CNOT2: variants seen among roughly 807,000 people sequenced by gnomAD.
CNOT2 encodes the protein CCR4-NOT transcription complex subunit 2.
A neutral mutation model predicts 72.1 loss-of-function variants in CNOT2; 7 were observed. The observed-to-expected ratio is 0.10, with a 90% CI of 0.06 to 0.18. CNOT2 has a LOEUF of 0.18. Ranked by LOEUF, CNOT2 falls within the 10% of genes least tolerant of loss-of-function variation. The probability of loss-of-function intolerance (pLI) is 1.00; values close to 1 mark genes in which losing one functional copy is unlikely to be tolerated. For missense variants in CNOT2, 345 were observed against 660.3 expected (o/e 0.52, Z 5.23); for synonymous variants, 196 against 225.6 (o/e 0.87, Z 1.17).
At chr12:70,329,387 G>A in intron 4 of CNOT2, 36 bp from the exon 5 acceptor site, 1 of 1,549,706 alleles carries the variant, frequency 6.5e-7, no homozygotes, top group Non-Finnish European at 8.9e-7. Context: ...CATTCCTGAT[G>A]GCAATGAATT....
intron 2 of CNOT2, among the ~76,000 whole-genome samples, chr12:70,280,557 T>G (rs904685920): frequency 3.9e-5 from 6 of 152,188 alleles, no homozygotes; most frequent in African/African-American, 1.4e-4. Context: ...CTTTTGCTTT[T>G]GAGGGACACT....
At chr12:70,265,329 C>CTTCTCTTTCTT (rs1958989245) in intron 1 of CNOT2, among the ~76,000 whole-genome samples, 1 of 67,684 alleles carries the variant, frequency 1.5e-5, no homozygotes, top group Non-Finnish European at 3.6e-5. Flanking sequence ...TCTTCTCTTT[C>CTTCTCTTTCTT]TTTCTTTTTT....
intron 2 of CNOT2, among the ~76,000 whole-genome samples, chr12:70,288,414 T>TGCTG (rs1445800600): frequency 1.3e-5 from 2 of 152,218 alleles, no homozygotes; most frequent in Admixed American, 1.3e-4. Context: ...GGGATTACAG[T>TGCTG]GCTGGGATTA....
chr12:70,276,337 T>G (rs1192542210), intron 1 of CNOT2, among the ~76,000 whole-genome samples: 4 of 151,984 alleles, frequency 2.6e-5, no homozygotes, highest in African/African-American at 9.7e-5. Context: ...TTAATATAAT[T>G]GGAGGTAATT....
At position 70,337,465 on chromosome 12, in the gene CNOT2, A is replaced by G. The variant is rs894246645; in HGVS notation, c.852A>G (p.Pro284=). 6.2e-7 allele frequency: 1 copy of G among 1,611,384 alleles called. No homozygotes were observed. Among genetic ancestry groups the G allele is most frequent in the Non-Finnish European group, 8.5e-7 (1 of 1,178,130 alleles). Residue 284 remains proline, a synonymous_variant, in exon 9 of 16, where the codon CCA becomes CCG. Coordinates refer to ENST00000229195, the MANE Select transcript of CNOT2 (RefSeq NM_014515.7). ...ACAATGAAGATTTTCCAGCATTACC[A>G]GGCTCCAGCTATAAAGATCCAACAT... The part of the protein sequence containing the change: ...SIHNEDFPAL[P]GSSYKDPTSS...
chr12:70,347,678 A>G (rs778574530), intron 15 of CNOT2: 1 of 152,084 alleles, frequency 6.6e-6, no homozygotes, highest in Non-Finnish European at 1.5e-5. Flanking sequence ...GACAACACCA[A>G]ATAAGATCCA....
rs75459874 is a variant in CNOT2, at chr12:70,262,057, C to T, written c.-95-16075C>T. ...TACCCTACAAAGTTGTAGTAATGTA[C>T]TGTTTCTTTCCTGTTTTTAGTACTT... On this transcript the variant is annotated intron_variant, in intron 1 of 15. Transcript: ENST00000229195. Among the ~76,000 whole-genome samples the T allele has an allele frequency of 7.7e-3, 1,173 of 151,994 alleles. 7 individuals are homozygous for T. Among genetic ancestry groups the T allele is most frequent in the Middle Eastern group, 0.014 (4 of 292 alleles).
At chr12:70,344,092 T>C in intron 13 of CNOT2, 36 bp from the exon 14 acceptor site, 1 of 1,460,794 alleles carries the variant, frequency 6.8e-7, no homozygotes, top group Non-Finnish European at 9.5e-7. Context: ...TGCAGATTTG[T>C]TTTATATTTC....
At chr12:70,308,584 T>TCTCTCTCTCTCACA (rs550679130) in intron 2 of CNOT2, among the ~76,000 whole-genome samples, 26 of 133,320 alleles carry the variant, frequency 2.0e-4, no homozygotes, top group African/African-American at 6.5e-4. Context: ...TCTCTCTCTC[T>TCTCTCTCTCTCACA]CACACACACA....
chr12:70,275,911 A>G (rs963270211), intron 1 of CNOT2, among the ~76,000 whole-genome samples: 1 of 151,994 alleles, frequency 6.6e-6, no homozygotes, highest in Non-Finnish European at 1.5e-5. Flanking sequence ...TTAACTTTTC[A>G]TGTTTATTTG....
intron 1 of CNOT2, among the ~76,000 whole-genome samples, chr12:70,250,663 C>T (rs1038577129): frequency 1.3e-5 from 2 of 152,050 alleles, no homozygotes; most frequent in African/African-American, 4.8e-5. Flanking sequence ...GAGAAGACTT[C>T]TGTGGAGGTA....
At chr12:70,245,623 A>G (rs748478828) in intron 1 of CNOT2, among the ~76,000 whole-genome samples, 8 of 152,170 alleles carry the variant, frequency 5.3e-5, no homozygotes, top group South Asian at 4.1e-4. Flanking sequence ...TTTAATTTAC[A>G]TGGTGGAAAA....
At chr12:70,277,608 A>C (rs1268804274) in intron 1 of CNOT2, among the ~76,000 whole-genome samples, 2 of 152,140 alleles carry the variant, frequency 1.3e-5, no homozygotes, top group Non-Finnish European at 2.9e-5. Context: ...TGTATCTCTT[A>C]ATCGTGTTAA....
chr12:70,338,123 T>C (rs1565827082), intron 9 of CNOT2: 1 of 228,832 alleles, frequency 4.4e-6, no homozygotes, highest in Non-Finnish European at 8.5e-6. Flanking sequence ...CATTGAGGAG[T>C]GTAACTTCAA....
chr12:70,301,988 T>A (rs1028748841), intron 2 of CNOT2: 9 of 152,240 alleles, frequency 5.9e-5, no homozygotes, highest in African/African-American at 2.2e-4. Context: ...TTCCTCTAGA[T>A]TTTCTAGTTT....
chr12:70,278,071 G>A, intron 1 of CNOT2, 61 bp from the exon 2 acceptor site: 1 of 521,524 alleles, frequency 1.9e-6, no homozygotes, highest in Non-Finnish European at 3.5e-6. Flanking sequence ...GAATATTTTT[G>A]CTGCTGTTGA....
chr12:70,341,258 G>C (rs1881472117), intron 11 of CNOT2, among the ~76,000 whole-genome samples: 1 of 152,060 alleles, frequency 6.6e-6, no homozygotes, highest in South Asian at 2.1e-4. Context: ...CACCTCAACA[G>C]CTTTTCCCTT....
intron 1 of CNOT2, among the ~76,000 whole-genome samples, chr12:70,270,500 C>T (rs957207890): frequency 6.6e-6 from 1 of 152,042 alleles, no homozygotes; most frequent in African/African-American, 2.4e-5. Context: ...TAGGTTTACT[C>T]TAATTTTAAT....
Position 70,353,913 on chromosome 12 carries a change from TAAAAAAAAAAAAAAAA to T in CNOT2, c.*8_*23del. 1.6e-6 allele frequency: 2 copies of T among 1,274,548 alleles called. No individual in the cohort carries two copies. Among genetic ancestry groups the T allele is most frequent in the East Asian group, 3.1e-5 (1 of 32,316 alleles). 79.0% of individuals were successfully genotyped at this position (1,274,548 alleles called of 1,614,324 possible). A position where few individuals can be genotyped will look rare whatever the true frequency, so the allele number is the denominator to read the frequency against. ...CTACAACCCTGCTCAGCAAGCCTTC[TAAAAAAAAAAAAAAAA>T]AAAAAAAAAGACTTCCCTTTTCTTG... On this transcript the variant is annotated stop_retained_variant and 3_prime_UTR_variant, in exon 16 of 16. Coordinates refer to ENST00000229195, the MANE Select transcript of CNOT2 (RefSeq NM_014515.7).
Sources: gnomAD v4.1 joint callset for allele counts (sites outside exome capture counted in the v4.1 genomes callset) on GRCh38, gnomAD v4.1.1 for gene constraint, MANE v1.5 for transcripts, NCBI Gene and HGNC (gene_info 2026-07-23, HGNC 2026-07-21) for gene names.